Variants in GPC5 observed in about 807,000 individuals in gnomAD.
The protein encoded by GPC5 is glypican 5.
In GPC5, 47 loss-of-function variants were observed where a neutral mutation model predicts 53.9. The ratio of observed to expected loss-of-function variants is 0.87; its 90% CI spans 0.69 to 1.11. The LOEUF (loss-of-function observed/expected upper bound fraction) is 1.11, where lower values mean the gene tolerates loss of function less well. Among genes scored for constraint, GPC5 ranks in the 50% most tolerant of loss-of-function variants. The pLI, the probability that GPC5 is intolerant of heterozygous loss-of-function variation, is 0.00. For missense variants in GPC5, 748 were observed against 713.1 expected (o/e 1.05, Z -0.56); for synonymous variants, 286 against 263.3 (o/e 1.09, Z -0.84).
chr13:91,968,254 T>C (rs796906651), intron 6 of GPC5, among the ~76,000 whole-genome samples: 11 of 152,206 alleles, frequency 7.2e-5, no homozygotes, highest in African/African-American at 2.6e-4. Context: ...TAAAGTTTTT[T>C]TTTATGTTGT....
intron 7 of GPC5, among the ~76,000 whole-genome samples, chr13:92,770,164 A>G (rs1005129451): frequency 2.0e-5 from 3 of 152,190 alleles, no homozygotes; most frequent in Non-Finnish European, 4.4e-5. Context: ...CTGTAATCCC[A>G]GCACTTTAGG....
chr13:92,476,656 A>G (rs1022334428), intron 7 of GPC5, among the ~76,000 whole-genome samples: 1 of 149,174 alleles, frequency 6.7e-6, no homozygotes, highest in Non-Finnish European at 1.5e-5. Flanking sequence ...AATGTCCAAC[A>G]ATGATAGACT....
intron 6 of GPC5, among the ~76,000 whole-genome samples, chr13:92,136,422 AAG>A (rs2041785076): frequency 6.6e-6 from 1 of 152,212 alleles, no homozygotes; most frequent in Non-Finnish European, 1.5e-5. Flanking sequence ...ACAAAATAAA[AAG>A]TATAATTTTT....
chr13:92,171,426 CT>C (rs1480903137), intron 7 of GPC5, among the ~76,000 whole-genome samples: 1 of 152,152 alleles, frequency 6.6e-6, no homozygotes, highest in African/African-American at 2.4e-5. Flanking sequence ...CCTCCACTGA[CT>C]TTTACTACTT....
chr13:92,068,882 A>G (rs1474783535), intron 6 of GPC5, among the ~76,000 whole-genome samples: 1 of 151,850 alleles, frequency 6.6e-6, no homozygotes, highest in Admixed American at 6.6e-5. Flanking sequence ...ATATAATATT[A>G]TAAGCATAAT....
At chr13:92,813,535 A>AT in intron 7 of GPC5, among the ~76,000 whole-genome samples, 1 of 152,102 alleles carries the variant, frequency 6.6e-6, no homozygotes, top group East Asian at 1.9e-4. Flanking sequence ...TGTTAGATTT[A>AT]TTTTTAGGAA....
chr13:92,424,870 A>G (rs1594191146), intron 7 of GPC5, among the ~76,000 whole-genome samples: 1 of 152,042 alleles, frequency 6.6e-6, no homozygotes. Flanking sequence ...GTCCTACTAT[A>G]TTCCAGACAC....
intron 6 of GPC5, among the ~76,000 whole-genome samples, chr13:92,123,870 T>C (rs974013842): frequency 2.6e-5 from 4 of 152,168 alleles, no homozygotes; most frequent in Non-Finnish European, 2.9e-5. Context: ...GAATAAACCT[T>C]ATTTAGGTGT....
At chr13:91,750,109 C>G (rs956277113) in intron 4 of GPC5, among the ~76,000 whole-genome samples, 6 of 152,170 alleles carry the variant, frequency 3.9e-5, no homozygotes, top group African/African-American at 1.4e-4. Flanking sequence ...CCATGCCTGG[C>G]CTGTATGGCT....
intron 7 of GPC5, among the ~76,000 whole-genome samples, chr13:92,538,217 C>T (rs1179306423): frequency 2.0e-5 from 3 of 148,376 alleles, no homozygotes; most frequent in African/African-American, 7.4e-5. Flanking sequence ...ATTCCTCGTC[C>T]TCCACTTCCG....
intron 6 of GPC5, among the ~76,000 whole-genome samples, chr13:92,118,486 T>A (rs188137547): frequency 6.6e-6 from 1 of 152,250 alleles, no homozygotes; most frequent in Admixed American, 6.5e-5. Context: ...ACAGCTAGTA[T>A]CATGACAGCA....
chr13:91,437,347 A>G (rs946903854), intron 1 of GPC5, among the ~76,000 whole-genome samples: 46 of 152,252 alleles, frequency 3.0e-4, no homozygotes, highest in Non-Finnish European at 1.5e-5. Flanking sequence ...TTCCATGTTT[A>G]GTGCTTCCTT....
At chr13:91,464,067 C>T (rs908691371) in intron 2 of GPC5, among the ~76,000 whole-genome samples, 4 of 151,942 alleles carry the variant, frequency 2.6e-5, no homozygotes. Context: ...AGAAAATGAA[C>T]AAAATATATG....
intron 6 of GPC5, among the ~76,000 whole-genome samples, chr13:92,105,146 T>C (rs1297236543): frequency 6.6e-6 from 1 of 152,038 alleles, no homozygotes; most frequent in African/African-American, 2.4e-5. Context: ...TAATTCACTT[T>C]GATGTGAGGA....
chr13:91,578,347 A>G (rs2032215747), intron 2 of GPC5, among the ~76,000 whole-genome samples: 1 of 152,198 alleles, frequency 6.6e-6, no homozygotes. Flanking sequence ...TCATTGCTTT[A>G]AGCAGATAGC....
intron 6 of GPC5, among the ~76,000 whole-genome samples, chr13:92,099,002 C>T (rs1399709389): frequency 6.6e-6 from 1 of 151,414 alleles, no homozygotes; most frequent in African/African-American, 2.4e-5. Context: ...CTCTATTCAC[C>T]TATTCCCTTA....
chr13:92,741,684 C>T (rs1889098860), intron 7 of GPC5, among the ~76,000 whole-genome samples: 1 of 151,962 alleles, frequency 6.6e-6, no homozygotes, highest in South Asian at 2.1e-4. Flanking sequence ...TGTGCTGCAC[C>T]CATTAACTCG....
intron 7 of GPC5, among the ~76,000 whole-genome samples, chr13:92,639,595 A>C (rs949019547): frequency 1.5e-4 from 23 of 152,190 alleles, no homozygotes; most frequent in Non-Finnish European, 5.9e-5. Context: ...TAATAAGATA[A>C]TCTATATAGT....
At chr13:91,998,895 C>A (rs9583985) in intron 6 of GPC5, among the ~76,000 whole-genome samples, 9,962 of 152,184 alleles carry the variant, frequency 0.065, 1,125 homozygotes, top group African/African-American at 0.22. Context: ...CTGAACTGTC[C>A]ATTCAAAGGG....
Sources: allele counts gnomAD v4.1 joint callset (sites outside exome capture counted in the v4.1 genomes callset), GRCh38; gene constraint gnomAD v4.1.1; transcripts MANE v1.5; gene names NCBI Gene and HGNC (gene_info 2026-07-23, HGNC 2026-07-21).